The following GALNT16 variants were observed in gnomAD, a reference collection of about 807,000 sequenced individuals.
GALNT16 encodes UDP-GalNAc:polypeptide N-acetylgalactosaminyltransferase-like protein 1.
In GALNT16, 40 loss-of-function variants were observed where a neutral mutation model predicts 76.1. The ratio of observed to expected loss-of-function variants is 0.53; its 90% CI spans 0.41 to 0.68. GALNT16 has a LOEUF of 0.68. GALNT16 is among the 30% of genes least tolerant of loss of function. GALNT16 has a pLI of 0.00. For missense variants in GALNT16, 621 were observed against 731.9 expected (o/e 0.85, Z 1.75); for synonymous variants, 276 against 285.2 (o/e 0.97, Z 0.32).
chr14:69,332,132 T>A (rs1385106543), intron 7 of GALNT16, among the ~76,000 whole-genome samples: 1 of 152,258 alleles, frequency 6.6e-6, no homozygotes, highest in East Asian at 1.9e-4. Flanking sequence ...TCATTAGTAA[T>A]TTTTTGTATT....
At position 69,333,022 on chromosome 14, in the gene GALNT16, G is replaced by C; in HGVS notation, c.779-63G>C. On this transcript the variant is annotated intron_variant, in intron 7 of 14. Transcript: ENST00000448469. The surrounding 1 kb of genome is among the most constrained non-coding windows in gnomAD (Gnocchi z 4.2). ...GGGAGACTCCGAGGGGTGGTGGAGTGAAGGGTCTCAGCAGCCCGCAGCTCT... is the reference window on the plus strand; with the variant it reads ...GGGAGACTCCGAGGGGTGGTGGAGTCAAGGGTCTCAGCAGCCCGCAGCTCT... 8.7e-7 allele frequency: 1 copy of C among 1,151,782 alleles called. No individual in the cohort carries two copies. Among genetic ancestry groups the C allele is most frequent in the Non-Finnish European group, 1.3e-6 (1 of 757,958 alleles). 71.3% of individuals were successfully genotyped at this position (1,151,782 alleles called of 1,614,324 possible).
intron 11 of GALNT16, among the ~76,000 whole-genome samples, chr14:69,340,060 C>T (rs553931517): frequency 2.6e-5 from 4 of 152,080 alleles, no homozygotes; most frequent in Admixed American, 6.5e-5. Flanking sequence ...TTTAGTGGGT[C>T]GTGACCAGCA....
chr14:69,351,413 G>A (rs2045635057), intron 14 of GALNT16: 1 of 152,258 alleles, frequency 6.6e-6, no homozygotes, highest in Admixed American at 6.5e-5. Flanking sequence ...ATAGAAGCTG[G>A]AAATGCAGAT....
chr14:69,314,216 A>G (rs2045068837), intron 1 of GALNT16, among the ~76,000 whole-genome samples: 1 of 152,288 alleles, frequency 6.6e-6, no homozygotes, highest in Non-Finnish European at 1.5e-5. Context: ...GTTAATAATA[A>G]TAATCACAAT....
chr14:69,384,503 C>T, the GALNT16 span, among the ~76,000 whole-genome samples: 2 of 152,160 alleles, frequency 1.3e-5, no homozygotes, highest in African/African-American at 4.8e-5. Flanking sequence ...AAACATGATC[C>T]TTTGCTTCAA....
chr14:69,363,086 G>A, the GALNT16 span, among the ~76,000 whole-genome samples: 2 of 152,250 alleles, frequency 1.3e-5, no homozygotes, highest in African/African-American at 4.8e-5. Flanking sequence ...GAGTGGTTCT[G>A]TTTGGGGTCT....
chr14:69,262,819 C>G (rs1356654125), intron 1 of GALNT16, among the ~76,000 whole-genome samples: 2 of 152,000 alleles, frequency 1.3e-5, no homozygotes, highest in African/African-American at 2.4e-5. Context: ...GTGATGCATG[C>G]GGGAACTGTG....
chr14:69,321,762 G>T (rs2045189526), intron 2 of GALNT16, among the ~76,000 whole-genome samples: 1 of 152,168 alleles, frequency 6.6e-6, no homozygotes, highest in South Asian at 2.1e-4. Flanking sequence ...TCCATGGAAG[G>T]CTCCTTCCCA....
chr14:69,361,985 T>A (rs1206841064), downstream of GALNT16, among the ~76,000 whole-genome samples: 1 of 152,032 alleles, frequency 6.6e-6, no homozygotes, highest in Non-Finnish European at 1.5e-5. Context: ...CCAGCCTGGG[T>A]GACAGAATGA....
At chr14:69,274,587 G>A (rs1013273413) in intron 1 of GALNT16, among the ~76,000 whole-genome samples, 18 of 152,164 alleles carry the variant, frequency 1.2e-4, no homozygotes, top group Middle Eastern at 3.2e-3. Flanking sequence ...GGAGGCCTTC[G>A]TAGTAATGCA....
chr14:69,348,579 G>A (rs1437737314), intron 14 of GALNT16: 1 of 153,690 alleles, frequency 6.5e-6, no homozygotes, highest in Non-Finnish European at 1.4e-5. Flanking sequence ...TGGCAGACTA[G>A]GGAAACTGAG....
intron 12 of GALNT16, among the ~76,000 whole-genome samples, chr14:69,343,851 C>T (rs551050777): frequency 1.3e-5 from 2 of 152,292 alleles, no homozygotes; most frequent in East Asian, 1.9e-4. Context: ...AAACCTGGCT[C>T]GATCACAAGG....
At chr14:69,279,804 T>A (rs61980296) in intron 1 of GALNT16, among the ~76,000 whole-genome samples, 1 of 152,206 alleles carries the variant, frequency 6.6e-6, no homozygotes. Context: ...TAGGGTCATC[T>A]CATGGGATTG....
At chr14:69,300,044 A>G (rs1235401584) in intron 1 of GALNT16, among the ~76,000 whole-genome samples, 3 of 152,194 alleles carry the variant, frequency 2.0e-5, no homozygotes, top group Non-Finnish European at 4.4e-5. Context: ...TGCTTTTAGC[A>G]CGTGTGTGCA....
At chr14:69,265,354 A>G (rs183512220) in intron 1 of GALNT16, among the ~76,000 whole-genome samples, 22 of 152,234 alleles carry the variant, frequency 1.4e-4, no homozygotes, top group Admixed American at 2.6e-4. Flanking sequence ...TGTAACAGCA[A>G]TTTACCCCCG....
intron 1 of GALNT16, among the ~76,000 whole-genome samples, chr14:69,262,181 G>A (rs7141424): frequency 0.27 from 41,684 of 152,142 alleles, 6,066 homozygotes; most frequent in South Asian, 0.34. Context: ...ATGAGAAGAG[G>A]GTCTGAGTTG....
At chr14:69,330,603 T>C (rs946397723) in intron 6 of GALNT16, among the ~76,000 whole-genome samples, 1 of 152,148 alleles carries the variant, frequency 6.6e-6, no homozygotes, top group East Asian at 1.9e-4. Flanking sequence ...ATCAGCCCCA[T>C]CCCGGGCTTC....
intron 1 of GALNT16, among the ~76,000 whole-genome samples, chr14:69,276,416 C>T (rs958318489): frequency 1.3e-4 from 20 of 152,008 alleles, no homozygotes; most frequent in Admixed American, 1.2e-3. Context: ...GGTGCGGTGG[C>T]GCACGCCTGT....
the GALNT16 span, among the ~76,000 whole-genome samples, chr14:69,385,666 A>T: frequency 2.7e-5 from 4 of 149,118 alleles, no homozygotes; most frequent in South Asian, 8.6e-4. Context: ...AAAAAAAAAA[A>T]GCAAGCCTGT....
Sources: gnomAD v4.1 joint callset for allele counts (sites outside exome capture counted in the v4.1 genomes callset) on GRCh38, gnomAD v4.1.1 for gene constraint, Gnocchi (gnomAD v3.1) non-coding constraint, MANE v1.5 for transcripts, NCBI Gene and HGNC (gene_info 2026-07-23, HGNC 2026-07-21) for gene names.